KLHL32: variants seen among roughly 807,000 people sequenced by gnomAD.
The protein encoded by KLHL32 is kelch like family member 32.
KLHL32 carries 35 observed loss-of-function variants against 64.8 expected under a neutral mutation model. The observed-to-expected ratio is 0.54, with a 90% CI of 0.41 to 0.72. The LOEUF is 0.72. Among genes scored for constraint, KLHL32 ranks in the 30% least tolerant of loss-of-function variants. The pLI, the probability that KLHL32 is intolerant of heterozygous loss-of-function variation, is 0.00. For synonymous variants in KLHL32, 259 were observed against 281.0 expected (o/e 0.92, Z 0.78); for missense variants, 589 against 768.5 (o/e 0.77, Z 2.76).
intron 7 of KLHL32, among the ~76,000 whole-genome samples, chr6:97,117,719 A>G (rs1797946796): frequency 6.6e-6 from 1 of 152,112 alleles, no homozygotes; most frequent in Admixed American, 6.6e-5. Flanking sequence ...TAAATATCCT[A>G]CAGCTGTGTT....
chr6:96,920,644 T>C (rs1341711368), upstream of KLHL32, among the ~76,000 whole-genome samples: 3 of 152,168 alleles, frequency 2.0e-5, no homozygotes, highest in East Asian at 1.9e-4. Flanking sequence ...ATTATACCTA[T>C]TGATCTTCCA....
In KLHL32 at chr6:96,976,010, C is replaced by A; in HGVS notation, c.37C>A (p.Leu13Met). The change falls in exon 3 of 11, where the codon CTG becomes ATG. Residue 13 changes from leucine to methionine, a missense_variant. Coordinates refer to ENST00000369261, the MANE Select transcript of KLHL32 (RefSeq NM_052904.4). Reference sequence around the variant, plus strand: ...TCTCCTTTGTAGTATTCAAGAAATGCTGACAGGCCAGAGGCTCTGCCACTC... The same window carrying A: ...TCTCCTTTGTAGTATTCAAGAAATGATGACAGGCCAGAGGCTCTGCCACTC... ...SERCLSIQEMLTGQRLCHSES... is the reference protein window; with the variant it reads ...SERCLSIQEMMTGQRLCHSES... The A allele has an allele frequency of 6.3e-7, 1 of 1,577,854 alleles. No homozygotes were observed. Among genetic ancestry groups the A allele is most frequent in the Non-Finnish European group, 8.7e-7 (1 of 1,155,884 alleles).
chr6:97,053,790 GTACTATGCCTTTTATTTATA>G (rs1787345017), intron 4 of KLHL32, among the ~76,000 whole-genome samples: 1 of 151,316 alleles, frequency 6.6e-6, no homozygotes, highest in East Asian at 1.9e-4. Flanking sequence ...AATTTATTGT[GTACTATGCCTTTTATTTATA>G]TACTATGCAT....
At chr6:97,128,400 T>C (rs1000634227) in intron 8 of KLHL32, among the ~76,000 whole-genome samples, 5 of 152,204 alleles carry the variant, frequency 3.3e-5, no homozygotes, top group African/African-American at 1.2e-4. Context: ...TTAATTGCAG[T>C]TGCTTGAGTT....
At position 97,127,444 on chromosome 6, in the gene KLHL32, G is replaced by C; in HGVS notation, c.1395G>C (p.Met465Ile). ...CGGCACAATATCAGAACAGGCTAAT[G>C]GTGTATGAACCTAACCAGGTAAGAA... ...TNTAQYQNRL[M>I]VYEPNQNKWI... The change falls in exon 8 of 11, where the codon ATG becomes ATC. Residue 465 changes from methionine (M) to isoleucine (I), a missense_variant. Met to Ile is a conservative substitution (Grantham distance 10, BLOSUM62 1). Transcript: ENST00000369261. The C allele has an allele frequency of 6.2e-7, 1 of 1,613,078 alleles. No homozygotes were observed. Among genetic ancestry groups the C allele is most frequent in the South Asian group, 1.1e-5 (1 of 91,026 alleles).
chr6:97,121,485 C>T (rs1307084335), intron 7 of KLHL32, among the ~76,000 whole-genome samples: 7 of 151,982 alleles, frequency 4.6e-5, no homozygotes, highest in Non-Finnish European at 5.9e-5. Flanking sequence ...TGCGATTTTA[C>T]GGTTCAGTTT....
At chr6:97,086,725 T>C (rs1007794429) in intron 6 of KLHL32, among the ~76,000 whole-genome samples, 3 of 152,214 alleles carry the variant, frequency 2.0e-5, no homozygotes, top group African/African-American at 7.2e-5. Flanking sequence ...AGGCAGAGGT[T>C]GAACAGGTTG....
At chr6:96,937,650 T>C (rs1026845054) in intron 1 of KLHL32, among the ~76,000 whole-genome samples, 3 of 152,204 alleles carry the variant, frequency 2.0e-5, no homozygotes, top group African/African-American at 7.2e-5. Flanking sequence ...GGAATCAATG[T>C]GTACTCCTGC....
rs62413896 is a variant in KLHL32, at chr6:97,059,096, A to G, written c.313-5532A>G. Among the ~76,000 whole-genome samples the G allele has an allele frequency of 6.3e-3, 959 of 152,326 alleles. 8 individuals are homozygous for G. Among genetic ancestry groups the G allele is most frequent in the Admixed American group, 9.2e-3 (141 of 15,306 alleles). On this transcript the variant is annotated intron_variant, in intron 4 of 10. Transcript: ENST00000369261. ...AAGCAGACAGCGTGACCTAGAACACATGGGCTTATTAGTTCACCAGATGTC... is the reference window on the plus strand; with the variant it reads ...AAGCAGACAGCGTGACCTAGAACACGTGGGCTTATTAGTTCACCAGATGTC...
At chr6:96,927,446 A>T (rs1290462999) in intron 1 of KLHL32, among the ~76,000 whole-genome samples, 6 of 151,712 alleles carry the variant, frequency 4.0e-5, no homozygotes, top group Admixed American at 3.9e-4. Flanking sequence ...CAAAATGTTT[A>T]CTCCTTTAAT....
chr6:96,919,329 G>A, the KLHL32 span, among the ~76,000 whole-genome samples: 1 of 152,152 alleles, frequency 6.6e-6, no homozygotes, highest in African/African-American at 2.4e-5. Flanking sequence ...TGATTTAAAA[G>A]TATTGTGACT....
intron 3 of KLHL32, among the ~76,000 whole-genome samples, chr6:97,017,529 G>A (rs925301888): frequency 1.3e-5 from 2 of 152,208 alleles, no homozygotes; most frequent in Non-Finnish European, 2.9e-5. Flanking sequence ...GTGGAAAAAA[G>A]GATGGAAGAC....
intron 10 of KLHL32, among the ~76,000 whole-genome samples, chr6:97,135,550 G>A (rs181704667): frequency 3.9e-5 from 6 of 151,902 alleles, no homozygotes; most frequent in Admixed American, 6.6e-5. Flanking sequence ...TGCCCACCTC[G>A]GCCTCCCAAA....
At chr6:96,903,818 T>G in the KLHL32 span, among the ~76,000 whole-genome samples, 1 of 152,170 alleles carries the variant, frequency 6.6e-6, no homozygotes, top group African/African-American at 2.4e-5. Flanking sequence ...TGCCTTTACT[T>G]TATAAAGGGT....
chr6:96,968,004 A>T (rs1774658119), intron 2 of KLHL32, among the ~76,000 whole-genome samples: 1 of 152,214 alleles, frequency 6.6e-6, no homozygotes, highest in African/African-American at 2.4e-5. Context: ...AGCAAAGAAT[A>T]AGAGAGATGA....
At chr6:96,987,230 C>A in intron 3 of KLHL32, among the ~76,000 whole-genome samples, 1 of 152,052 alleles carries the variant, frequency 6.6e-6, no homozygotes, top group Non-Finnish European at 1.5e-5. Context: ...TCTGATCTTA[C>A]TTATTTCTTG....
chr6:97,006,564 T>C (rs1360653994), intron 3 of KLHL32, among the ~76,000 whole-genome samples: 1 of 152,222 alleles, frequency 6.6e-6, no homozygotes, highest in South Asian at 2.1e-4. Context: ...TGTTAGCTGG[T>C]TACTATGCAG....
the KLHL32 span, among the ~76,000 whole-genome samples, chr6:96,904,487 T>C: frequency 6.6e-6 from 1 of 151,976 alleles, no homozygotes; most frequent in Non-Finnish European, 1.5e-5. Context: ...ACAAAAATTA[T>C]GAAAGAACAT....
intron 3 of KLHL32, among the ~76,000 whole-genome samples, chr6:96,976,979 A>C (rs1182058541): frequency 2.0e-5 from 3 of 152,236 alleles, no homozygotes; most frequent in African/African-American, 7.2e-5. Flanking sequence ...TGGTCAGTAC[A>C]TGCATGCGGC....
Sources: gnomAD v4.1 joint callset for allele counts (sites outside exome capture counted in the v4.1 genomes callset) on GRCh38, gnomAD v4.1.1 for gene constraint, MANE v1.5 for transcripts, NCBI Gene and HGNC (gene_info 2026-07-23, HGNC 2026-07-21) for gene names.